SCFD1: variants seen among roughly 807,000 people sequenced by gnomAD.
The protein encoded by SCFD1 is sec1 family domain containing 1.
Under a neutral mutation model 103.2 loss-of-function variants are expected in SCFD1, and 37 were observed. The observed-to-expected ratio is 0.36, with a 90% confidence interval of 0.28 to 0.47. The LOEUF is 0.47. Ranked by LOEUF, SCFD1 falls within the 20% of genes least tolerant of loss-of-function variation. The pLI is 1.00. For missense variants in SCFD1, 639 were observed against 761.2 expected (o/e 0.84, Z 1.89); for synonymous variants, 264 against 245.0 (o/e 1.08, Z -0.73).
At position 30,702,352 on chromosome 14, in the gene SCFD1, T is replaced by C. The variant is rs1404587669; in HGVS notation, c.1467T>C (p.Pro489=). 1.9e-6 allele frequency: 3 copies of C among 1,590,868 alleles called. No individual in the cohort carries two copies. Among genetic ancestry groups the C allele is most frequent in the East Asian group, 2.3e-5 (1 of 44,216 alleles). Residue 489 remains proline, a synonymous_variant, in exon 17 of 25, where the codon CCT becomes CCC. Transcript: ENST00000458591. ...ALTDAGCNLN[P]LQYIKQWKAF... ...CTGATGCAGGATGCAACCTTAATCC[T>C]TTACAATATATCAAACAGTGGAAGT...
At chr14:30,728,175 G>A (rs1279912995) in intron 23 of SCFD1, among the ~76,000 whole-genome samples, 1 of 152,124 alleles carries the variant, frequency 6.6e-6, no homozygotes, top group Non-Finnish European at 1.5e-5. Context: ...AATCTGTTTA[G>A]TGTTGAGTCC....
At chr14:30,655,910 G>A (rs755508833) in intron 10 of SCFD1, among the ~76,000 whole-genome samples, 77 of 152,122 alleles carry the variant, frequency 5.1e-4, no homozygotes, top group Non-Finnish European at 8.8e-4. Flanking sequence ...GGAGGATCAC[G>A]TGGGCCCAGG....
intron 10 of SCFD1, 134 bp downstream of exon 10, chr14:30,653,722 A>G (rs1345619369): frequency 1.0e-5 from 6 of 581,558 alleles, no homozygotes; most frequent in Non-Finnish European, 1.8e-5. Flanking sequence ...AAAACAAGTG[A>G]TGGGATTTGG....
Position 30,653,559 on chromosome 14 carries a change from A to T in SCFD1, c.826A>T (p.Thr276Ser), listed in dbSNP as rs375542623. The change falls in exon 10 of 25, where the codon ACA (threonine) becomes TCA (serine). Residue 276 changes from threonine to serine, a missense_variant. By Grantham distance (58) the Thr-to-Ser change is moderately conservative. Transcript: ENST00000458591. ...DLATPLHHTW[T>S]YQALVHDVLD... is the part of the protein sequence containing the mutation. The stretch of plus-strand genomic sequence containing the variant: ...GGCAACTCCTTTACATCATACTTGG[A>T]CATATCAAGCATTGGTGCACGATGT... The T allele has an allele frequency of 2.5e-6, 4 of 1,613,190 alleles. No homozygotes were observed. Among genetic ancestry groups the T allele is most frequent in the Non-Finnish European group, 8.5e-7 (1 of 1,179,334 alleles).
chr14:30,634,703 T>C, intron 4 of SCFD1: 1 of 424,298 alleles, frequency 2.4e-6, no homozygotes, highest in South Asian at 1.7e-5. Context: ...AGAAGTACTA[T>C]AAGGTAATCA....
chr14:30,653,869 T>C (rs229211), intron 10 of SCFD1: 99,974 of 213,740 alleles, frequency 0.47, 27,000 homozygotes, highest in African/African-American at 0.79. Context: ...AATGGATTAT[T>C]TTGTTTTATT....
chr14:30,700,812 A>G (rs1222055603), intron 16 of SCFD1, among the ~76,000 whole-genome samples: 3 of 152,260 alleles, frequency 2.0e-5, no homozygotes, highest in African/African-American at 7.2e-5. Context: ...TTGGAATGTA[A>G]ACTGAATTTC....
At chr14:30,713,739 A>G (rs1165546231) in intron 19 of SCFD1, among the ~76,000 whole-genome samples, 5 of 152,236 alleles carry the variant, frequency 3.3e-5, no homozygotes, top group Non-Finnish European at 5.9e-5. Flanking sequence ...ATGCAGGAAG[A>G]TAAACACAGA....
chr14:30,730,033 G>C (rs184257690), intron 23 of SCFD1, among the ~76,000 whole-genome samples: 1 of 152,104 alleles, frequency 6.6e-6, no homozygotes, highest in Admixed American at 6.5e-5. Context: ...TACAGGTCCC[G>C]GTGTGTGATG....
At position 30,722,237 on chromosome 14, in the gene SCFD1, G is replaced by A. The variant is rs905521200; in HGVS notation, c.1771-257G>A. Among the ~76,000 whole-genome samples the A allele has an allele frequency of 9.2e-5, 14 of 152,042 alleles. No individual in the cohort carries two copies. In the East Asian group the frequency reaches 1.2e-3, roughly 13 times the overall value. ...ATTTGAAATACAAAGAAGCTTCTCC[G>A]TAAAAAATACAGTAAATAACATATA... On this transcript the variant is annotated intron_variant, in intron 22 of 24. Coordinates refer to ENST00000458591, the MANE Select transcript of SCFD1 (RefSeq NM_016106.4).
At chr14:30,628,148 TG>T in intron 1 of SCFD1, 60 bp from the exon 2 acceptor site, 1 of 1,258,844 alleles carries the variant, frequency 7.9e-7, no homozygotes, top group African/African-American at 1.5e-5. Context: ...TGAATGATGA[TG>T]GAGGAAAAAT....
At chr14:30,650,183 C>T (rs1217499825) in intron 8 of SCFD1, among the ~76,000 whole-genome samples, 2 of 152,160 alleles carry the variant, frequency 1.3e-5, no homozygotes, top group African/African-American at 4.8e-5. Flanking sequence ...CTTGTACCCA[C>T]CACTACTTTG....
chr14:30,734,289 G>T lies in SCFD1; in HGVS notation c.1837-501G>T, dbSNP rs550475065. On this transcript the variant is annotated intron_variant, in intron 23 of 24. Coordinates refer to ENST00000458591, the MANE Select transcript of SCFD1 (RefSeq NM_016106.4). ...GCTGTTGTGATTGGGTTCCAACATTGTAACTGTGACTTTTATTCCTGATGT... is the reference window on the plus strand; with the variant it reads ...GCTGTTGTGATTGGGTTCCAACATTTTAACTGTGACTTTTATTCCTGATGT... 2.0e-5 allele frequency among the ~76,000 whole-genome samples: 3 copies of T among 152,264 alleles called. No individual in the cohort carries two copies. In the East Asian group the frequency reaches 5.8e-4, roughly 29 times the overall value.
chr14:30,729,383 T>A (rs1030805220), intron 23 of SCFD1, among the ~76,000 whole-genome samples: 5 of 152,218 alleles, frequency 3.3e-5, no homozygotes, highest in African/African-American at 1.2e-4. Flanking sequence ...TTTTAAAATA[T>A]GGTATGAAGA....
At chr14:30,715,737 G>T (rs948308384) in intron 19 of SCFD1, 187 bp from the exon 20 acceptor site, 2 of 489,916 alleles carry the variant, frequency 4.1e-6, no homozygotes, top group African/African-American at 4.1e-5. Flanking sequence ...ATATTTTCCT[G>T]TGGAAACTTG....
intron 4 of SCFD1, 46 bp from the exon 5 acceptor site, chr14:30,638,079 T>A (rs1320298913): frequency 6.6e-7 from 1 of 1,507,026 alleles, no homozygotes; most frequent in South Asian, 1.4e-5. Context: ...TATGTATTCA[T>A]GGTCTTCTTT....
Position 30,622,350 on chromosome 14 carries a change from GGCGGCA to G in SCFD1, c.16_21del (p.Ala6_Ala7del). On this transcript the variant is annotated inframe_deletion, in exon 1 of 25. Transcript: ENST00000458591. ...TCGTGGGAGCCAAGATGGCGGCGGC[GGCGGCA>G]GCGACAGCAGCAGCAGCAGCCAGTA... The G allele has an allele frequency of 5.1e-6, 8 of 1,570,362 alleles. No individual in the cohort carries two copies. Among genetic ancestry groups the G allele is most frequent in the Non-Finnish European group, 6.9e-6 (8 of 1,158,332 alleles).
intron 10 of SCFD1, among the ~76,000 whole-genome samples, chr14:30,668,896 A>G (rs1888274690): frequency 6.6e-6 from 1 of 152,178 alleles, no homozygotes; most frequent in Non-Finnish European, 1.5e-5. Flanking sequence ...AAAATTCAGG[A>G]AACAACAGGT....
chr14:30,631,659 T>A (rs1884147350), intron 3 of SCFD1, among the ~76,000 whole-genome samples: 2 of 152,202 alleles, frequency 1.3e-5, no homozygotes, highest in African/African-American at 4.8e-5. Flanking sequence ...ATCTGTGTTG[T>A]CTTAACTGTT....
Sources: allele counts gnomAD v4.1 joint callset (sites outside exome capture counted in the v4.1 genomes callset), GRCh38; gene constraint gnomAD v4.1.1; transcripts MANE v1.5; gene names NCBI Gene and HGNC (gene_info 2026-07-23, HGNC 2026-07-21).